The following NEUROD4 variants were observed in gnomAD, a reference collection of about 807,000 sequenced individuals.
NEUROD4 encodes neuronal differentiation 4.
In NEUROD4, 16 loss-of-function variants were observed where a neutral mutation model predicts 19.8. That is an observed-to-expected ratio of 0.81 (90% CI 0.55 to 1.23). NEUROD4 has a LOEUF of 1.23. NEUROD4 is among the 50% of genes most tolerant of loss of function. NEUROD4 has a pLI of 0.00. For synonymous variants in NEUROD4, 153 were observed against 147.9 expected (o/e 1.03, Z -0.25); for missense variants, 439 against 398.6 (o/e 1.10, Z -0.86).
At position 55,027,393 on chromosome 12, in the gene NEUROD4, T is replaced by A. The variant is rs148711348; in HGVS notation, c.954T>A (p.His318Gln). The A allele has an allele frequency of 6.2e-7, 1 of 1,613,344 alleles. No homozygotes were observed. Among genetic ancestry groups the A allele is most frequent in the Admixed American group, 1.7e-5 (1 of 59,982 alleles). Residue 318 changes from histidine (H) to glutamine (Q), a missense_variant, in exon 2 of 2, where the codon CAT (histidine) becomes CAA (glutamine). By Grantham distance (24) the His-to-Gln change is conservative. Transcript: ENST00000242994. Reference sequence around the variant, plus strand: ...ACATGTCCTATGATTCCTACCCCCATCATGGTATTGGGACCCAACTCAATA... The same window carrying A: ...ACATGTCCTATGATTCCTACCCCCAACATGGTATTGGGACCCAACTCAATA... ...PIDMSYDSYPHHGIGTQLNTV... is the reference protein window; with the variant it reads ...PIDMSYDSYPQHGIGTQLNTV...
rs1267422789 is a variant in NEUROD4, at chr12:55,027,944, A to T, written c.*509A>T. ...GGAAAGGGATGCTATGCATAGAATGATCAAATTGAATTATCAGAGGGATCA... is the reference window on the plus strand; with the variant it reads ...GGAAAGGGATGCTATGCATAGAATGTTCAAATTGAATTATCAGAGGGATCA... On this transcript the variant is annotated 3_prime_UTR_variant, in exon 2 of 2. Coordinates refer to ENST00000242994, the MANE Select transcript of NEUROD4 (RefSeq NM_021191.3). The T allele has an allele frequency of 1.2e-5, 2 of 167,588 alleles. No individual in the cohort carries two copies. Among genetic ancestry groups the T allele is most frequent in the African/African-American group, 4.8e-5 (2 of 41,476 alleles). The allele number at this position is 167,588 out of a possible 1,614,324, so 10.4% of individuals were successfully genotyped here.
In NEUROD4 at chr12:55,026,936, C is replaced by T. The variant is rs372637889; in HGVS notation, c.497C>T (p.Thr166Ile). The change falls in exon 2 of 2, where the codon ACA becomes ATA. Residue 166 changes from threonine to isoleucine, a missense_variant. Thr to Ile is a moderately conservative substitution (Grantham distance 89, BLOSUM62 -1). Transcript: ENST00000242994. ...EMLCKGLSQPTSNLVAGCLQL... is the reference protein window; with the variant it reads ...EMLCKGLSQPISNLVAGCLQL... ...CTGTGTAAAGGGCTCTCTCAGCCCA[C>T]AAGCAACCTGGTGGCTGGATGTCTC... 2.5e-6 allele frequency: 4 copies of T among 1,614,164 alleles called. No individual in the cohort carries two copies. The East Asian group carries it at 6.7e-5, about 27-fold the overall frequency.
intron 1 of NEUROD4, among the ~76,000 whole-genome samples, chr12:55,022,879 A>G (rs1952684059): frequency 1.3e-5 from 2 of 152,086 alleles, no homozygotes; most frequent in South Asian, 4.1e-4. Context: ...GCTTTTGTTG[A>G]TGCAAAATCA....
chr12:55,021,982 A>T (rs1422495685), intron 1 of NEUROD4, among the ~76,000 whole-genome samples: 1 of 152,158 alleles, frequency 6.6e-6, no homozygotes, highest in Non-Finnish European at 1.5e-5. Context: ...GTATATCATG[A>T]TGCTTTGTGA....
rs752097912 is a variant in NEUROD4, at chr12:55,026,965, C to A, written c.526C>A (p.Leu176Met). 1 of 1,614,186 alleles carries A rather than the reference C, an allele frequency of 6.2e-7. No homozygotes were observed. Among genetic ancestry groups the A allele is most frequent in the South Asian group, 1.1e-5 (1 of 91,088 alleles). The change falls in exon 2 of 2, where the codon CTG (leucine) becomes ATG (methionine). Residue 176 changes from leucine to methionine, a missense_variant. Coordinates refer to ENST00000242994, the MANE Select transcript of NEUROD4 (RefSeq NM_021191.3). Reference protein sequence around the residue: ...TSNLVAGCLQLGPQSVLLEKH... With the variant: ...TSNLVAGCLQMGPQSVLLEKH... The stretch of plus-strand genomic sequence containing the variant: ...CAACCTGGTGGCTGGATGTCTCCAA[C>A]TGGGCCCTCAGTCTGTCCTCCTGGA...
rs780382430 is a variant in NEUROD4 at position 55,026,983 on chromosome 12, C to T, written c.544C>T (p.Leu182Phe). 2 of 1,614,164 alleles carry T rather than the reference C, an allele frequency of 1.2e-6. No individual in the cohort carries two copies. The highest frequency in any genetic ancestry group is 1.1e-5 in the South Asian group (1 of 91,080). The change falls in exon 2 of 2, where the codon CTC becomes TTC. Residue 182 changes from leucine (L) to phenylalanine (F), a missense_variant. Leu to Phe is a conservative substitution (Grantham distance 22). Coordinates refer to ENST00000242994, the MANE Select transcript of NEUROD4 (RefSeq NM_021191.3). Reference sequence around the variant, plus strand: ...TCTCCAACTGGGCCCTCAGTCTGTCCTCCTGGAGAAGCACGAGGATAAATC... The same window carrying T: ...TCTCCAACTGGGCCCTCAGTCTGTCTTCCTGGAGAAGCACGAGGATAAATC... ...GCLQLGPQSV[L>F]LEKHEDKSPI...
At position 55,027,157 on chromosome 12, in the gene NEUROD4, C is replaced by T; in HGVS notation, c.718C>T (p.His240Tyr). ...KSLGESSFGS[H>Y]LPDCSTPPYE... is the part of the protein sequence containing the mutation. ...TTTGGGAGAATCGTCCTTTGGGAGC[C>T]ATCTGCCTGACTGCAGTACACCCCC... The change falls in exon 2 of 2, where the codon CAT becomes TAT. Residue 240 changes from histidine (H) to tyrosine (Y), a missense_variant. By Grantham distance (83) the His-to-Tyr change is moderately conservative (BLOSUM62 2). Transcript: ENST00000242994. 6.2e-7 allele frequency: 1 copy of T among 1,614,158 alleles called. No homozygotes were observed. Among genetic ancestry groups the T allele is most frequent in the Non-Finnish European group, 8.5e-7 (1 of 1,180,018 alleles).
In NEUROD4 at chr12:55,026,414, A is replaced by T. The variant is rs1952729103; in HGVS notation, c.-9-17A>T. On this transcript the variant is annotated splice_polypyrimidine_tract_variant and intron_variant, in intron 1 of 1. Coordinates refer to ENST00000242994, the MANE Select transcript of NEUROD4 (RefSeq NM_021191.3). ...AGGTACTCACAGGAATTAACCTTTG[A>T]TATTTCCCTTTTCCAGAGTCTGGAA... 1 of 1,568,662 alleles carries T rather than the reference A, an allele frequency of 6.4e-7. No homozygotes were observed. The highest frequency in any genetic ancestry group is 8.6e-7 in the Non-Finnish European group (1 of 1,161,444).
chr12:55,020,970 G>A (rs1952670086), intron 1 of NEUROD4, among the ~76,000 whole-genome samples: 1 of 151,864 alleles, frequency 6.6e-6, no homozygotes, highest in Admixed American at 6.6e-5. Context: ...TCATTTGCCC[G>A]CAAAAAAAGT....
chr12:55,020,583 A>G (rs534590472), intron 1 of NEUROD4, among the ~76,000 whole-genome samples: 1 of 152,318 alleles, frequency 6.6e-6, no homozygotes, highest in South Asian at 2.1e-4. Context: ...AAGAATACAG[A>G]TGATCTCCCC....
Position 55,027,234 on chromosome 12 carries a change from G to T in NEUROD4, c.795G>T (p.Leu265Phe). Residue 265 changes from leucine to phenylalanine, a missense_variant, in exon 2 of 2, where the codon TTG (leucine) becomes TTT (phenylalanine). Leu to Phe is a conservative substitution (Grantham distance 22). Transcript: ENST00000242994. ...PPLSISGNFSLKQDGSPDLEK... is the reference protein window; with the variant it reads ...PPLSISGNFSFKQDGSPDLEK... ...TGAGCATCAGTGGGAACTTCTCCTT[G>T]AAGCAAGATGGGTCTCCTGACCTAG... The T allele has an allele frequency of 6.2e-7, 1 of 1,614,110 alleles. No individual in the cohort carries two copies. The highest frequency in any genetic ancestry group is 8.5e-7 in the Non-Finnish European group (1 of 1,180,012).
chr12:55,025,121 A>G (rs1397215487), intron 1 of NEUROD4, among the ~76,000 whole-genome samples: 3 of 152,232 alleles, frequency 2.0e-5, no homozygotes, highest in Admixed American at 2.0e-4. Flanking sequence ...AGATACTTTT[A>G]TTTGGTAAAC....
At chr12:55,026,362 TA>T (rs1952728417) in intron 1 of NEUROD4, 68 bp from the exon 2 acceptor site, 3 of 1,355,086 alleles carry the variant, frequency 2.2e-6, no homozygotes, top group East Asian at 4.7e-5. Context: ...TAATTACATA[TA>T]AAAAACTTTA....
chr12:55,022,190 C>G (rs891119274), intron 1 of NEUROD4, among the ~76,000 whole-genome samples: 1 of 152,062 alleles, frequency 6.6e-6, no homozygotes, highest in Non-Finnish European at 1.5e-5. Context: ...AATAATTTTT[C>G]TGTGCTCCTT....
rs540912483 is a variant in NEUROD4, at chr12:55,028,843, T to C, written c.*1408T>C. The C allele has an allele frequency of 7.8e-5, 13 of 167,196 alleles. No homozygotes were observed. In the South Asian group the frequency reaches 2.7e-3, roughly 35 times the overall value. 10.4% of individuals were successfully genotyped at this position (167,196 alleles called of 1,614,324 possible). A position where few individuals can be genotyped will look rare whatever the true frequency, so the allele number is the denominator to read the frequency against. ...TGCAGAGTGTTTATTTTTCTTTATG[T>C]AACTCCTTTTTCCTTTATATCAATG... On this transcript the variant is annotated 3_prime_UTR_variant, in exon 2 of 2. Transcript: ENST00000242994.
intron 1 of NEUROD4, among the ~76,000 whole-genome samples, chr12:55,022,479 C>T (rs2136238378): frequency 6.6e-6 from 1 of 152,126 alleles, no homozygotes; most frequent in South Asian, 2.1e-4. Context: ...AAACATTTTT[C>T]TTTATATTTC....
At chr12:55,026,338 A>C in intron 1 of NEUROD4, 93 bp from the exon 2 acceptor site, 1 of 1,086,482 alleles carries the variant, frequency 9.2e-7, no homozygotes, top group Non-Finnish European at 1.3e-6. Flanking sequence ...TTAGAATGGA[A>C]GACTTGGACA....
rs1952717550 is a variant in NEUROD4, at chr12:55,025,421, G to A, written c.-9-1010G>A. 2.6e-5 allele frequency among the ~76,000 whole-genome samples: 4 copies of A among 152,138 alleles called. 1 individual carries two copies. The highest frequency in any genetic ancestry group is 9.6e-5 in the African/African-American group (4 of 41,508). ...TCATTTTAAATAAAGTATTATTATA[G>A]TAGTTGTACTAAACCTTGGATGGGT... is the stretch of plus-strand genomic sequence containing the variant. On this transcript the variant is annotated intron_variant, in intron 1 of 1. Transcript: ENST00000242994.
At chr12:55,025,480 C>T (rs2136239858) in intron 1 of NEUROD4, among the ~76,000 whole-genome samples, 1 of 152,276 alleles carries the variant, frequency 6.6e-6, no homozygotes, top group East Asian at 1.9e-4. Flanking sequence ...CTAGCTGTTG[C>T]CATTGTCTTG....
Sources: gnomAD v4.1 joint callset for allele counts (sites outside exome capture counted in the v4.1 genomes callset) on GRCh38, gnomAD v4.1.1 for gene constraint, MANE v1.5 for transcripts, NCBI Gene and HGNC (gene_info 2026-07-23, HGNC 2026-07-21) for gene names.